Variants in PAPLN observed in about 807,000 individuals in gnomAD.
PAPLN encodes papilin.
PAPLN carries 146 observed loss-of-function variants against 159.0 expected under a neutral mutation model. The ratio of observed to expected loss-of-function variants is 0.92; its 90% confidence interval spans 0.80 to 1.05. PAPLN has a LOEUF of 1.05. PAPLN is among the 50% of genes least tolerant of loss of function. The pLI, the probability that PAPLN is intolerant of heterozygous loss-of-function variation, is 0.00. For missense variants in PAPLN, 1,720 were observed against 1,743.9 expected (o/e 0.99, Z 0.24); for synonymous variants, 734 against 702.9 (o/e 1.04, Z -0.70).
In PAPLN at chr14:73,262,789, C is replaced by T. The variant is rs755404435; in HGVS notation, c.2685C>T (p.Ala895=). 9.9e-5 allele frequency: 148 copies of T among 1,498,158 alleles called. No homozygotes were observed. Among genetic ancestry groups the T allele is most frequent in the East Asian group, 4.0e-4 (17 of 42,802 alleles). The allele number at this position is 1,498,158 out of a possible 1,614,324, so 92.8% of individuals were successfully genotyped here. ...GSRAPGLGGD[A]GSPAPPFHSS... Reference sequence around the variant, plus strand: ...GGGCCCCTGGACTGGGTGGAGATGCCGGATCACCAGCGCCACCCTTCCACA... The same window carrying T: ...GGGCCCCTGGACTGGGTGGAGATGCTGGATCACCAGCGCCACCCTTCCACA... The change falls in exon 19 of 27, where the codon GCC becomes GCT. Residue 895 remains alanine (A), a synonymous_variant. Coordinates refer to ENST00000644200, the MANE Select transcript of PAPLN (RefSeq NM_001365906.3).
chr14:73,253,652 G>T (rs1885560734), intron 11 of PAPLN, 102 bp from the exon 12 acceptor site: 3 of 1,088,452 alleles, frequency 2.8e-6, no homozygotes, highest in Admixed American at 2.5e-5. Flanking sequence ...GGGCTGGGGT[G>T]GGGGTCCTCA....
At chr14:73,261,120 C>A (rs368326771) in intron 17 of PAPLN, 36 bp from the exon 18 acceptor site, 90 of 1,613,842 alleles carry the variant, frequency 5.6e-5, no homozygotes, top group Non-Finnish European at 1.2e-5. Context: ...TGGCCAGATC[C>A]ACTGCCCACT....
At chr14:73,253,046 G>C in intron 11 of PAPLN, 2 of 1,194,104 alleles carry the variant, frequency 1.7e-6, no homozygotes, top group Non-Finnish European at 2.3e-6. Context: ...AGGTTCCAGA[G>C]GTCCCTGTCT....
intron 25 of PAPLN, 124 bp downstream of exon 25, chr14:73,266,955 C>A: frequency 1.1e-6 from 1 of 930,002 alleles, no homozygotes; most frequent in South Asian, 1.6e-5. Context: ...AGGCCTGGTG[C>A]CAGGGGAGAG....
intron 16 of PAPLN, among the ~76,000 whole-genome samples, chr14:73,259,997 CCTT>C (rs1886373061): frequency 6.6e-6 from 1 of 152,092 alleles, no homozygotes; most frequent in South Asian, 2.1e-4. Flanking sequence ...TGCCCCTCCT[CCTT>C]CTATGGCCTG....
At chr14:73,263,924 C>G in intron 20 of PAPLN, 142 bp downstream of exon 20, 1 of 1,185,328 alleles carries the variant, frequency 8.4e-7, no homozygotes, top group Non-Finnish European at 1.2e-6. Flanking sequence ...GTGACAGCCC[C>G]CCTACCCCCT....
In PAPLN at chr14:73,264,208, C is replaced by G. The variant is rs1886961900; in HGVS notation, c.2862-3C>G. 3 of 1,613,688 alleles carry G rather than the reference C, an allele frequency of 1.9e-6. No homozygotes were observed. The highest frequency in any genetic ancestry group is 2.5e-6 in the Non-Finnish European group (3 of 1,179,944). ...TCATGTCCTCCCACACCACCCCACT[C>G]AGGCACAGGCTGCAGTTCGACGGAT... On this transcript the variant is annotated splice_polypyrimidine_tract_variant and splice_region_variant and intron_variant, in intron 20 of 26. Transcript: ENST00000644200.
At chr14:73,270,236 C>G (rs1340836128) in intron 26 of PAPLN, among the ~76,000 whole-genome samples, 1 of 152,242 alleles carries the variant, frequency 6.6e-6, no homozygotes. Flanking sequence ...CCGGATCCCG[C>G]ACTCGTGGCG....
In PAPLN at chr14:73,259,048, C is replaced by G; in HGVS notation, c.1697C>G (p.Ser566Cys). The change falls in exon 15 of 27, where the codon TCC (serine) becomes TGC (cysteine). Residue 566 changes from serine to cysteine, a missense_variant. Physicochemically the swap from Ser to Cys is moderately radical, Grantham distance 112 (BLOSUM62 -1). Coordinates refer to ENST00000644200, the MANE Select transcript of PAPLN (RefSeq NM_001365906.3). ...NPWMPLGPQE[S>C]PASDSRGQWW... ...TGGATGCCGTTGGGCCCTCAGGAGT[C>G]CCCTGCCTCAGGTGAGAGCCTGGTC... 1 of 1,611,778 alleles carries G rather than the reference C, an allele frequency of 6.2e-7. No individual in the cohort carries two copies. Among genetic ancestry groups the G allele is most frequent in the Non-Finnish European group, 8.5e-7 (1 of 1,178,896 alleles).
In PAPLN at chr14:73,253,873, A is replaced by T. The variant is rs775749286; in HGVS notation, c.1214A>T (p.Glu405Val). 2.5e-6 allele frequency: 4 copies of T among 1,613,306 alleles called. No homozygotes were observed. The highest frequency in any genetic ancestry group is 2.5e-6 in the Non-Finnish European group (3 of 1,179,924). The change falls in exon 12 of 27, where the codon GAG becomes GTG. Residue 405 changes from glutamate to valine, a missense_variant. Physicochemically the swap from Glu to Val is moderately radical, Grantham distance 121 (BLOSUM62 -2). Coordinates refer to ENST00000644200, the MANE Select transcript of PAPLN (RefSeq NM_001365906.3). ...AGIQEAVEEA[E>V]CAGLPGKPPA... ...ATCCAGGAGGCCGTGGAGGAGGCTGAGTGTGCCGGGCTGCCTGGGAAGCCC... is the reference window on the plus strand; with the variant it reads ...ATCCAGGAGGCCGTGGAGGAGGCTGTGTGTGCCGGGCTGCCTGGGAAGCCC...
intron 2 of PAPLN, among the ~76,000 whole-genome samples, chr14:73,241,364 C>T (rs186878721): frequency 2.0e-5 from 3 of 152,314 alleles, no homozygotes; most frequent in Non-Finnish European, 2.9e-5. Context: ...ACGAGGACAG[C>T]GTCCAGGCCC....
chr14:73,269,146 A>T (rs1160300662), intron 26 of PAPLN, among the ~76,000 whole-genome samples: 2 of 152,210 alleles, frequency 1.3e-5, no homozygotes. Flanking sequence ...TGGCCGTTTG[A>T]CCATATAACC....
intron 1 of PAPLN, among the ~76,000 whole-genome samples, 198 bp downstream of exon 1, chr14:73,237,790 G>A (rs1391456821): frequency 6.6e-6 from 1 of 152,120 alleles, no homozygotes; most frequent in African/African-American, 2.4e-5. Context: ...CGCGCCCCCC[G>A]GCCTGGAGGA....
At position 73,245,790 on chromosome 14, in the gene PAPLN, C is replaced by G. The variant is rs1051582976; in HGVS notation, c.231+94C>G. The G allele has an allele frequency of 3.5e-5, 52 of 1,468,418 alleles. No homozygotes were observed. The highest frequency in any genetic ancestry group is 2.0e-5 in the Non-Finnish European group (22 of 1,095,940). 91.0% of individuals were successfully genotyped at this position (1,468,418 alleles called of 1,614,324 possible). A position where few individuals can be genotyped will look rare whatever the true frequency, so the allele number is the denominator to read the frequency against. On this transcript the variant is annotated intron_variant, in intron 4 of 26. Coordinates refer to ENST00000644200, the MANE Select transcript of PAPLN (RefSeq NM_001365906.3). This position sits in a 1 kb window ranked among gnomAD's most constrained non-coding sequence, Gnocchi z 4.2. ...GATGCCCGCTCCTGGCCGCGGGCTG[C>G]TGGGTTGGCCCAGCCTGGGGTCCTC...
intron 10 of PAPLN, 149 bp downstream of exon 10, chr14:73,252,290 C>G: frequency 7.7e-7 from 1 of 1,301,486 alleles, no homozygotes; most frequent in Non-Finnish European, 1.0e-6. Context: ...ATGGGGGTCG[C>G]TTTGAGGAAA....
upstream of PAPLN, among the ~76,000 whole-genome samples, chr14:73,237,202 T>C (rs1307495188): frequency 2.0e-5 from 3 of 152,012 alleles, no homozygotes; most frequent in African/African-American, 7.3e-5. Context: ...GTGTGTAGGA[T>C]AGGCATGAAG....
chr14:73,243,771 C>G (rs968026947), intron 2 of PAPLN: 1 of 152,164 alleles, frequency 6.6e-6, no homozygotes. Context: ...AATAACAGTT[C>G]TTCAATAAGA....
chr14:73,253,914 T>C lies in PAPLN; in HGVS notation c.1255T>C (p.Cys419Arg). ...LPGKPPAIQA[C>R]NLQRCAAWSP... is the part of the protein sequence containing the mutation. ...TGGGAAGCCCCCTGCCATTCAGGCC[T>C]GTAACCTGCAGCGCTGTGCAGCCTG... is the stretch of plus-strand genomic sequence containing the variant. The change falls in exon 12 of 27, where the codon TGT becomes CGT. Residue 419 changes from cysteine to arginine, a missense_variant. Physicochemically the swap from Cys to Arg is radical, Grantham distance 180. Transcript: ENST00000644200. 6.2e-7 allele frequency: 1 copy of C among 1,613,120 alleles called. No homozygotes were observed. Among genetic ancestry groups the C allele is most frequent in the Non-Finnish European group, 8.5e-7 (1 of 1,179,884 alleles).
At chr14:73,256,658 T>C (rs900528690) in intron 14 of PAPLN, among the ~76,000 whole-genome samples, 4 of 152,098 alleles carry the variant, frequency 2.6e-5, no homozygotes, top group African/African-American at 7.2e-5. Context: ...TCCCAGCACT[T>C]TGGGAGGCAG....
Sources: gnomAD v4.1 joint callset for allele counts (sites outside exome capture counted in the v4.1 genomes callset) on GRCh38, gnomAD v4.1.1 for gene constraint, Gnocchi (gnomAD v3.1) non-coding constraint, MANE v1.5 for transcripts, NCBI Gene and HGNC (gene_info 2026-07-23, HGNC 2026-07-21) for gene names.